Variants in DCC observed in about 807,000 individuals in gnomAD.
DCC encodes the protein netrin receptor DCC.
In DCC, 58 loss-of-function variants were observed where a neutral mutation model predicts 172.5. The ratio of observed to expected loss-of-function variants is 0.34; its 90% confidence interval spans 0.27 to 0.42. The LOEUF (loss-of-function observed/expected upper bound fraction) is 0.42. Among genes scored for constraint, DCC ranks in the 10% least tolerant of loss-of-function variants. DCC has a pLI of 1.00. For synonymous variants in DCC, 709 were observed against 644.5 expected (o/e 1.10, Z -1.52); for missense variants, 1,740 against 1,791.0 (o/e 0.97, Z 0.51).
rs539437829 is a variant in DCC at position 53,452,697 on chromosome 18, T to C, written c.3392+2035T>C. ...TGACTGAAAATCCAAGAACAGTTAGTTGTAGAGTCACTTTGGTTTTTCCTC... is the reference window on the plus strand; with the variant it reads ...TGACTGAAAATCCAAGAACAGTTAGCTGTAGAGTCACTTTGGTTTTTCCTC... On this transcript the variant is annotated intron_variant, in intron 23 of 28. Coordinates refer to ENST00000442544, the MANE Select transcript of DCC (RefSeq NM_005215.4). 3.9e-5 allele frequency among the ~76,000 whole-genome samples: 6 copies of C among 152,308 alleles called. No individual in the cohort carries two copies. The East Asian group carries it at 7.7e-4, about 20-fold the overall frequency.
intron 21 of DCC, among the ~76,000 whole-genome samples, chr18:53,419,007 C>A (rs1910478337): frequency 6.6e-6 from 1 of 152,098 alleles, no homozygotes; most frequent in Non-Finnish European, 1.5e-5. Flanking sequence ...TTCTTCCAGG[C>A]ACAGGTGGCA....
chr18:52,939,747 T>A (rs143942496), intron 5 of DCC, among the ~76,000 whole-genome samples: 2,360 of 152,264 alleles, frequency 0.015, 36 homozygotes, highest in Middle Eastern at 0.058. Context: ...ATCATCATCA[T>A]CATGCCAGAA....
intron 5 of DCC, among the ~76,000 whole-genome samples, chr18:53,032,503 G>T (rs763986747): frequency 2.6e-5 from 4 of 152,018 alleles, no homozygotes; most frequent in Non-Finnish European, 4.4e-5. Context: ...TCTAATTTTA[G>T]GTGCATTGTC....
rs534410294 is a variant in DCC, at chr18:52,837,686, G to T, written c.413-68358G>T. 2.0e-5 allele frequency among the ~76,000 whole-genome samples: 3 copies of T among 152,212 alleles called. No homozygotes were observed. In the South Asian group the frequency reaches 6.2e-4, roughly 32 times the overall value. On this transcript the variant is annotated intron_variant, in intron 2 of 28. Transcript: ENST00000442544. ...TCCTGTCTTCCGAGCCCTCCAAACT[G>T]TTCCAATCTCTGCCTCTTACCCAGT...
chr18:52,996,723 C>G (rs1456802718), intron 5 of DCC, among the ~76,000 whole-genome samples: 1 of 151,010 alleles, frequency 6.6e-6, no homozygotes, highest in Non-Finnish European at 1.5e-5. Context: ...CCCCACCTTG[C>G]CACACACTCT....
intron 2 of DCC, among the ~76,000 whole-genome samples, chr18:52,851,519 T>C (rs1431686033): frequency 6.6e-6 from 1 of 152,080 alleles, no homozygotes; most frequent in Non-Finnish European, 1.5e-5. Flanking sequence ...AATATTTGGT[T>C]AAAAATCTAG....
chr18:53,182,781 T>C (rs2055215760), intron 9 of DCC, among the ~76,000 whole-genome samples: 1 of 152,234 alleles, frequency 6.6e-6, no homozygotes, highest in East Asian at 1.9e-4. Context: ...AGAGATCCTA[T>C]GGTTCCTTTC....
intron 9 of DCC, among the ~76,000 whole-genome samples, chr18:53,196,388 A>T (rs2055443248): frequency 6.6e-6 from 1 of 152,124 alleles, no homozygotes; most frequent in Non-Finnish European, 1.5e-5. Context: ...TACATTAAAA[A>T]CATATTCTAC....
At chr18:52,623,262 T>C (rs56964854) in intron 1 of DCC, among the ~76,000 whole-genome samples, 2,115 of 152,280 alleles carry the variant, frequency 0.014, 60 homozygotes, top group African/African-American at 0.048. Context: ...TCATCTTAAG[T>C]AGTAAGGGAA....
intron 8 of DCC, among the ~76,000 whole-genome samples, chr18:53,160,163 T>C (rs572564360): frequency 6.6e-6 from 1 of 152,296 alleles, no homozygotes; most frequent in South Asian, 2.1e-4. Flanking sequence ...GTTCTTACCT[T>C]TCAATCCTAA....
At chr18:52,766,866 C>T (rs189788256) in intron 2 of DCC, among the ~76,000 whole-genome samples, 24 of 152,100 alleles carry the variant, frequency 1.6e-4, no homozygotes, top group Admixed American at 4.6e-4. Context: ...CGACCCTTTT[C>T]TGCCTAGAAT....
intron 1 of DCC, among the ~76,000 whole-genome samples, chr18:52,582,345 C>T (rs1374895447): frequency 7.2e-5 from 11 of 152,150 alleles, no homozygotes; most frequent in South Asian, 2.1e-4. Context: ...CAGTTTGGCA[C>T]GCACAATTTC....
At chr18:53,527,089 A>T in intron 28 of DCC, 1 of 297,232 alleles carries the variant, frequency 3.4e-6, no homozygotes. Context: ...ACACATGGAT[A>T]CGTGTGTGTG....
chr18:53,174,547 C>A (rs1348922964), intron 8 of DCC, among the ~76,000 whole-genome samples: 1 of 150,616 alleles, frequency 6.6e-6, no homozygotes. Context: ...ACTACAAACA[C>A]CTCTACACAA....
Position 53,304,564 on chromosome 18 carries a change from C to T in DCC, c.1912-1014C>T, listed in dbSNP as rs139103638. On this transcript the variant is annotated intron_variant, in intron 12 of 28. Transcript: ENST00000442544. ...TGTTTAATATCTCTGAAACTTTGGC[C>T]TCTGAGTTGAATATCCCCAGAGGAT... Among the ~76,000 whole-genome samples the T allele has an allele frequency of 2.8e-4, 43 of 152,156 alleles. 1 individual carries two copies. In the East Asian group the frequency reaches 4.3e-3, roughly 15 times the overall value.
intron 1 of DCC, among the ~76,000 whole-genome samples, chr18:52,520,048 T>C (rs934828809): frequency 2.6e-5 from 4 of 152,084 alleles, no homozygotes; most frequent in Admixed American, 2.6e-4. Flanking sequence ...AAGTCTGGAG[T>C]TACATTAATT....
intron 12 of DCC, among the ~76,000 whole-genome samples, chr18:53,262,567 C>G (rs1024908503): frequency 6.6e-6 from 1 of 152,294 alleles, no homozygotes; most frequent in East Asian, 1.9e-4. Flanking sequence ...GAGCATAGTT[C>G]CTCAGAAAGG....
Position 53,391,700 on chromosome 18 carries a change from C to A in DCC, c.2501C>A (p.Pro834His). Reference protein sequence around the residue: ...VDYYPLLDDFPTSVPDLSTPM... With the variant: ...VDYYPLLDDFHTSVPDLSTPM... Reference sequence around the variant, plus strand: ...TATTATCCTTTGCTTGATGATTTCCCCACCTCGGTCCCAGATCTCTCCACC... The same window carrying A: ...TATTATCCTTTGCTTGATGATTTCCACACCTCGGTCCCAGATCTCTCCACC... The change falls in exon 17 of 29, where the codon CCC (proline) becomes CAC (histidine). Residue 834 changes from proline (P) to histidine (H), a missense_variant. This residue lies in a region of DCC where 1,732 missense variants were observed against 1,767.4 expected (regional missense o/e 0.98). Transcript: ENST00000442544. 3 of 1,614,088 alleles carry A rather than the reference C, an allele frequency of 1.9e-6. No individual in the cohort carries two copies. The highest frequency in any genetic ancestry group is 2.5e-6 in the Non-Finnish European group (3 of 1,180,010).
At chr18:52,505,400 G>T (rs1307089970) in intron 1 of DCC, among the ~76,000 whole-genome samples, 8 of 152,166 alleles carry the variant, frequency 5.3e-5, no homozygotes, top group Non-Finnish European at 2.9e-5. Context: ...CATGGCTACA[G>T]AATAGTTAAG....
Sources: gnomAD v4.1 joint callset for allele counts (sites outside exome capture counted in the v4.1 genomes callset) on GRCh38, gnomAD v4.1.1 for gene constraint, gnomAD v4.1.1 regional missense constraint, MANE v1.5 for transcripts, NCBI Gene and HGNC (gene_info 2026-07-23, HGNC 2026-07-21) for gene names.